The following ATE1 variants were observed in gnomAD, a reference collection of about 807,000 sequenced individuals.
The protein encoded by ATE1 is arginyltransferase 1.
Under a neutral mutation model 70.5 loss-of-function variants are expected in ATE1, and 36 were observed. The observed-to-expected ratio is 0.51, with a 90% confidence interval of 0.39 to 0.67. The LOEUF (loss-of-function observed/expected upper bound fraction) is 0.67. ATE1 is among the 30% of genes least tolerant of loss of function. The pLI is 0.00. For synonymous variants in ATE1, 232 were observed against 219.3 expected (o/e 1.06, Z -0.51); for missense variants, 593 against 629.5 (o/e 0.94, Z 0.62).
chr10:121,781,053 AG>A (rs887113726), intron 11 of ATE1, among the ~76,000 whole-genome samples: 1 of 152,116 alleles, frequency 6.6e-6, no homozygotes, highest in African/African-American at 2.4e-5. Flanking sequence ...AAATTAAGCT[AG>A]CTTTTTGTTT....
At chr10:121,822,080 C>T (rs938092714) in intron 10 of ATE1, among the ~76,000 whole-genome samples, 1 of 152,106 alleles carries the variant, frequency 6.6e-6, no homozygotes, top group African/African-American at 2.4e-5. Context: ...TATATGTTCA[C>T]CAAAGAACAC....
At chr10:121,881,114 C>T (rs2134111901) in intron 7 of ATE1, among the ~76,000 whole-genome samples, 2 of 152,294 alleles carry the variant, frequency 1.3e-5, no homozygotes, top group Middle Eastern at 3.4e-3. Context: ...CTTTTTGCTT[C>T]ATGTCACAAG....
chr10:121,891,912 A>G (rs1320861478), intron 7 of ATE1, among the ~76,000 whole-genome samples: 1 of 152,224 alleles, frequency 6.6e-6, no homozygotes, highest in African/African-American at 2.4e-5. Context: ...GATACTGTAC[A>G]GAGTCCCTTA....
chr10:121,764,977 G>A (rs1307706635), intron 11 of ATE1, among the ~76,000 whole-genome samples: 3 of 152,128 alleles, frequency 2.0e-5, no homozygotes, highest in Non-Finnish European at 4.4e-5. Context: ...CATTACTGTC[G>A]ATCTCCAAGT....
At chr10:121,870,908 T>TA (rs1340244774) in intron 7 of ATE1, among the ~76,000 whole-genome samples, 3 of 152,172 alleles carry the variant, frequency 2.0e-5, no homozygotes, top group African/African-American at 7.2e-5. Context: ...CTGTTAATAA[T>TA]ACCCAAATAA....
intron 11 of ATE1, among the ~76,000 whole-genome samples, chr10:121,756,335 T>C (rs2135745932): frequency 6.6e-6 from 1 of 152,334 alleles, no homozygotes; most frequent in South Asian, 2.1e-4. Context: ...CAGGCTAGCG[T>C]TGAGTGTCTG....
chr10:121,757,218 A>C (rs1944843301), intron 11 of ATE1, among the ~76,000 whole-genome samples: 1 of 152,178 alleles, frequency 6.6e-6, no homozygotes, highest in Non-Finnish European at 1.5e-5. Flanking sequence ...CCAGTTCCCA[A>C]CGAGTTCCTC....
chr10:121,862,950 T>C (rs371313856), intron 8 of ATE1, among the ~76,000 whole-genome samples: 2 of 149,138 alleles, frequency 1.3e-5, no homozygotes, highest in East Asian at 3.9e-4. Flanking sequence ...AAGGGGGGTA[T>C]ACATATAGCT....
At chr10:121,854,500 G>A (rs1436458753) in intron 8 of ATE1, among the ~76,000 whole-genome samples, 3 of 152,164 alleles carry the variant, frequency 2.0e-5, no homozygotes, top group African/African-American at 7.2e-5. Context: ...ACACCTCACA[G>A]TCTGTTAAGC....
intron 11 of ATE1, among the ~76,000 whole-genome samples, chr10:121,745,610 C>T (rs1224043527): frequency 6.6e-6 from 1 of 152,284 alleles, no homozygotes; most frequent in Middle Eastern, 3.4e-3. Context: ...GCCTGTAGTC[C>T]CAGCTACTCA....
At chr10:121,926,926 C>A (rs1181475062) in intron 1 of ATE1, 1 of 985,308 alleles carries the variant, frequency 1.0e-6, no homozygotes, top group Non-Finnish European at 1.2e-6. Flanking sequence ...ACAAGTAGCA[C>A]TTAATAAACA....
chr10:121,812,878 T>C (rs922915720), intron 10 of ATE1, among the ~76,000 whole-genome samples: 9 of 152,148 alleles, frequency 5.9e-5, no homozygotes, highest in Non-Finnish European at 1.3e-4. Context: ...ATCAACTCAT[T>C]ATCATCACCT....
intron 10 of ATE1, among the ~76,000 whole-genome samples, chr10:121,799,440 CA>C (rs370086606): frequency 6.2e-4 from 89 of 143,452 alleles, no homozygotes; most frequent in Middle Eastern, 7.1e-3. Flanking sequence ...TTTAGGAAAA[CA>C]AAAAAAAAAA....
intron 5 of ATE1, among the ~76,000 whole-genome samples, chr10:121,908,590 G>A (rs1201320700): frequency 6.6e-6 from 1 of 152,162 alleles, no homozygotes; most frequent in Non-Finnish European, 1.5e-5. Flanking sequence ...AAGCAGTCCA[G>A]CCAGCCAGGA....
intron 10 of ATE1, among the ~76,000 whole-genome samples, chr10:121,826,857 G>T (rs1948039879): frequency 6.6e-6 from 1 of 152,146 alleles, no homozygotes; most frequent in Admixed American, 6.5e-5. Flanking sequence ...ACTTATAAGT[G>T]AGAACATGTG....
intron 2 of ATE1, among the ~76,000 whole-genome samples, chr10:121,923,390 G>T (rs1951958710): frequency 6.6e-6 from 1 of 152,170 alleles, no homozygotes; most frequent in Non-Finnish European, 1.5e-5. Context: ...ACTTGAGTGT[G>T]GGAATTTGGG....
chr10:121,791,869 T>A (rs1946466713), intron 10 of ATE1, among the ~76,000 whole-genome samples: 1 of 152,176 alleles, frequency 6.6e-6, no homozygotes, highest in Non-Finnish European at 1.5e-5. Context: ...AAAACACCAG[T>A]GCAAAACTCA....
intron 11 of ATE1, among the ~76,000 whole-genome samples, chr10:121,786,852 GTA>G (rs550114071): frequency 5.9e-5 from 9 of 151,976 alleles, no homozygotes; most frequent in Middle Eastern, 3.4e-3. Flanking sequence ...ACAGATATGT[GTA>G]TATATATATG....
chr10:121,832,092 G>A (rs150927655), intron 10 of ATE1, among the ~76,000 whole-genome samples: 2 of 152,274 alleles, frequency 1.3e-5, no homozygotes, highest in East Asian at 3.9e-4. Context: ...AAATTCAATA[G>A]CTCAGTTTGT....
Sources: allele counts gnomAD v4.1 joint callset (sites outside exome capture counted in the v4.1 genomes callset), GRCh38; gene constraint gnomAD v4.1.1; transcripts MANE v1.5; gene names NCBI Gene and HGNC (gene_info 2026-07-23, HGNC 2026-07-21).